DTNA: variants seen among roughly 807,000 people sequenced by gnomAD.
The protein encoded by DTNA is dystrophin-related protein 3.
DTNA carries 43 observed loss-of-function variants against 100.7 expected under a neutral mutation model. The ratio of observed to expected loss-of-function variants is 0.43; its 90% CI spans 0.33 to 0.55. DTNA has a LOEUF of 0.55. DTNA is among the 20% of genes least tolerant of loss of function. The pLI is 0.04. For missense variants in DTNA, 798 were observed against 953.9 expected, an observed-to-expected ratio of 0.84 and a Z score of 2.15; for synonymous variants, 349 against 347.9, an observed-to-expected ratio of 1.00 and a Z score of -0.04.
intron 1 of DTNA, among the ~76,000 whole-genome samples, chr18:34,502,437 A>G (rs2040026817): frequency 6.6e-6 from 1 of 152,002 alleles, no homozygotes; most frequent in East Asian, 1.9e-4. Context: ...TATATTCTTG[A>G]CAGGGAGCTA....
intron 3 of DTNA, among the ~76,000 whole-genome samples, chr18:34,791,046 G>A (rs897400975): frequency 6.6e-6 from 1 of 152,102 alleles, no homozygotes; most frequent in African/African-American, 2.4e-5. Context: ...CTCACCCTGA[G>A]GCTGAAGTAC....
chr18:34,733,854 G>C (rs2088900972), intron 1 of DTNA, among the ~76,000 whole-genome samples: 2 of 152,100 alleles, frequency 1.3e-5, no homozygotes, highest in African/African-American at 2.4e-5. Flanking sequence ...CCATATTTCA[G>C]CTAACCAAGC....
At chr18:34,673,729 G>A (rs1568185210) in intron 1 of DTNA, among the ~76,000 whole-genome samples, 1 of 152,026 alleles carries the variant, frequency 6.6e-6, no homozygotes. Context: ...CATTGCTGAA[G>A]GTATATATTT....
intron 1 of DTNA, among the ~76,000 whole-genome samples, chr18:34,513,080 T>A (rs533768304): frequency 2.2e-4 from 33 of 152,192 alleles, no homozygotes; most frequent in Non-Finnish European, 4.6e-4. Context: ...TGTTTTAGAT[T>A]GTCATGTGTT....
intron 4 of DTNA, among the ~76,000 whole-genome samples, chr18:34,797,526 C>A (rs2095033011): frequency 6.6e-6 from 1 of 152,178 alleles, no homozygotes; most frequent in Non-Finnish European, 1.5e-5. Context: ...CCCCAGCAAA[C>A]TGGCAGCAGC....
chr18:34,599,329 A>G (rs2051291692), intron 1 of DTNA, among the ~76,000 whole-genome samples: 1 of 152,170 alleles, frequency 6.6e-6, no homozygotes, highest in African/African-American at 2.4e-5. Flanking sequence ...TTTTTGCCTC[A>G]TCTATAAAAG....
intron 1 of DTNA, among the ~76,000 whole-genome samples, chr18:34,712,657 A>C (rs2083133910): frequency 6.6e-6 from 1 of 152,128 alleles, no homozygotes; most frequent in Admixed American, 6.6e-5. Context: ...CTTGCTTTAA[A>C]CTGTAAATTT....
At chr18:34,843,834 T>C (rs1407012587) in intron 13 of DTNA, among the ~76,000 whole-genome samples, 1 of 152,156 alleles carries the variant, frequency 6.6e-6, no homozygotes, top group Admixed American at 6.5e-5. Flanking sequence ...AAGATTTGAC[T>C]GACTCTTTTT....
chr18:34,609,421 T>G (rs965008227), intron 1 of DTNA, among the ~76,000 whole-genome samples: 9 of 152,132 alleles, frequency 5.9e-5, no homozygotes, highest in African/African-American at 1.9e-4. Context: ...ATTTTTTGTA[T>G]TTTTAGTAGA....
intron 1 of DTNA, among the ~76,000 whole-genome samples, chr18:34,506,165 C>G (rs555835048): frequency 2.0e-5 from 3 of 152,194 alleles, no homozygotes; most frequent in Non-Finnish European, 4.4e-5. Context: ...CACTGACACA[C>G]TAGGGGGACA....
chr18:34,616,377 A>C (rs888230520), intron 1 of DTNA, among the ~76,000 whole-genome samples: 2 of 152,240 alleles, frequency 1.3e-5, no homozygotes, highest in African/African-American at 4.8e-5. Flanking sequence ...GTTAAACCAA[A>C]GAGCTTCTGC....
chr18:34,872,126 T>C (rs1276692579), intron 17 of DTNA, among the ~76,000 whole-genome samples: 2 of 152,154 alleles, frequency 1.3e-5, no homozygotes, highest in Non-Finnish European at 2.9e-5. Flanking sequence ...ATGGGAGTTT[T>C]GAAAAAGAAT....
chr18:34,794,999 ATG>A (rs1485640240), intron 4 of DTNA, among the ~76,000 whole-genome samples: 1 of 152,214 alleles, frequency 6.6e-6, no homozygotes, highest in Non-Finnish European at 1.5e-5. Flanking sequence ...ACCAAGGTAT[ATG>A]TGGATTCCCC....
chr18:34,779,207 AATG>A (rs2094204066), intron 3 of DTNA, among the ~76,000 whole-genome samples: 1 of 152,194 alleles, frequency 6.6e-6, no homozygotes, highest in South Asian at 2.1e-4. Context: ...AACAAGACAG[AATG>A]ATAAGAATTG....
In DTNA at chr18:34,776,168, T is replaced by A. The variant is rs570077482; in HGVS notation, c.148+10127T>A. The stretch of plus-strand genomic sequence containing the variant: ...ACCGAAAACTTTTCCCTTATCAAGT[T>A]CCAAGTCCCTTATCATCATAGAGGG... On this transcript the variant is annotated intron_variant, in intron 3 of 22. Coordinates refer to ENST00000444659, the MANE Select transcript of DTNA (RefSeq NM_001386795.1). Among the ~76,000 whole-genome samples the A allele has an allele frequency of 3.9e-5, 6 of 152,224 alleles. No individual in the cohort carries two copies. In the East Asian group the frequency reaches 1.2e-3, roughly 29 times the overall value.
chr18:34,657,659 G>A (rs2074586922), intron 1 of DTNA, among the ~76,000 whole-genome samples: 1 of 152,026 alleles, frequency 6.6e-6, no homozygotes, highest in Admixed American at 6.6e-5. Flanking sequence ...ATTTAGACAA[G>A]GAAGACTACT....
chr18:34,669,127 A>G (rs1027856108), intron 1 of DTNA, among the ~76,000 whole-genome samples: 14 of 152,154 alleles, frequency 9.2e-5, no homozygotes, highest in Non-Finnish European at 1.9e-4. Flanking sequence ...GGGTGCATAT[A>G]TATTTAGGAT....
chr18:34,613,167 A>T (rs1262257703), intron 1 of DTNA, among the ~76,000 whole-genome samples: 1 of 152,142 alleles, frequency 6.6e-6, no homozygotes, highest in African/African-American at 2.4e-5. Flanking sequence ...TGTGGCTATT[A>T]TAATTGTTTT....
At chr18:34,665,864 G>A (rs2075848027) in intron 1 of DTNA, among the ~76,000 whole-genome samples, 2 of 152,066 alleles carry the variant, frequency 1.3e-5, no homozygotes, top group South Asian at 4.1e-4. Context: ...GCTATTGTGA[G>A]TAGTGCTGCA....
Sources: gnomAD v4.1 joint callset for allele counts (sites outside exome capture counted in the v4.1 genomes callset) on GRCh38, gnomAD v4.1.1 for gene constraint, MANE v1.5 for transcripts, NCBI Gene and HGNC (gene_info 2026-07-23, HGNC 2026-07-21) for gene names.